CFDP1: variants seen among roughly 807,000 people sequenced by gnomAD.
CFDP1 encodes the protein chromatin remodeling protein CFDP1, also known as heterochromatin-stabilizing protein CFDP1.
In CFDP1, 31 loss-of-function variants were observed where a neutral mutation model predicts 40.1. That is an observed-to-expected ratio of 0.77 (90% CI 0.58 to 1.04). The LOEUF (loss-of-function observed/expected upper bound fraction) is 1.04. Ranked by LOEUF, CFDP1 falls within the 50% of genes least tolerant of loss-of-function variation. The probability of loss-of-function intolerance (pLI) is 0.00; values close to 1 mark genes in which losing one functional copy is unlikely to be tolerated. For synonymous variants in CFDP1, 167 were observed against 120.0 expected, an observed-to-expected ratio of 1.39 and a Z score of -2.56; for missense variants, 423 against 343.4, an observed-to-expected ratio of 1.23 and a Z score of -1.83.
At chr16:75,314,782 C>T (rs571438017) in intron 5 of CFDP1, among the ~76,000 whole-genome samples, 15 of 152,242 alleles carry the variant, frequency 9.9e-5, no homozygotes, top group African/African-American at 3.4e-4. Flanking sequence ...GACCAAGTCT[C>T]GCTCTGTCAC....
intron 5 of CFDP1, among the ~76,000 whole-genome samples, chr16:75,337,346 C>G (rs1032984812): frequency 2.0e-5 from 3 of 152,182 alleles, no homozygotes; most frequent in African/African-American, 7.2e-5. Flanking sequence ...ATGGTGGAGT[C>G]GCTGCTTCCA....
intron 1 of CFDP1, among the ~76,000 whole-genome samples, chr16:75,431,911 C>CT (rs71380741): frequency 0.5 from 66,958 of 134,352 alleles, 18,003 homozygotes; most frequent in Admixed American, 0.61. Context: ...GACTGGCTAA[C>CT]TTTTTTTTTT....
chr16:75,364,138 A>T (rs2078698231), intron 5 of CFDP1, among the ~76,000 whole-genome samples: 1 of 107,006 alleles, frequency 9.3e-6, no homozygotes, highest in Admixed American at 1.2e-4. Flanking sequence ...AACAAAACAA[A>T]ACAAACAAAC....
At chr16:75,342,336 A>C (rs1355473738) in intron 5 of CFDP1, among the ~76,000 whole-genome samples, 1 of 152,218 alleles carries the variant, frequency 6.6e-6, no homozygotes, top group East Asian at 1.9e-4. Context: ...CTGCACTAGT[A>C]TCCTTCCTCA....
intron 5 of CFDP1, among the ~76,000 whole-genome samples, chr16:75,390,394 G>C (rs2078937409): frequency 6.6e-6 from 1 of 152,240 alleles, no homozygotes; most frequent in Admixed American, 6.5e-5. Context: ...AGTCAGTGTA[G>C]AGAGAATCCC....
chr16:75,350,252 T>A (rs1238449528), intron 5 of CFDP1, among the ~76,000 whole-genome samples: 1 of 152,218 alleles, frequency 6.6e-6, no homozygotes, highest in Non-Finnish European at 1.5e-5. Context: ...TTTGTGGGTA[T>A]ATGCACAGAA....
At chr16:75,393,737 C>CAAAAAAAAAAAAAAAA (rs61344775) in intron 5 of CFDP1, among the ~76,000 whole-genome samples, 1 of 80,620 alleles carries the variant, frequency 1.2e-5, no homozygotes, top group African/African-American at 5.8e-5. Flanking sequence ...GACTCCGTCG[C>CAAAAAAAAAAAAAAAA]AAAAAAAAAA....
chr16:75,411,761 C>T (rs777274754), intron 4 of CFDP1, 64 bp downstream of exon 4: 3 of 1,464,050 alleles, frequency 2.0e-6, no homozygotes, highest in Non-Finnish European at 1.9e-6. Context: ...ATGGCTAACA[C>T]CAGTTAGAGA....
intron 4 of CFDP1, among the ~76,000 whole-genome samples, chr16:75,402,977 AATGT>A (rs1191434065): frequency 2.0e-5 from 3 of 152,132 alleles, no homozygotes; most frequent in African/African-American, 2.4e-5. Context: ...TGAAATATAA[AATGT>A]ATGTGACAGT....
intron 5 of CFDP1, among the ~76,000 whole-genome samples, chr16:75,331,130 T>G (rs896249017): frequency 1.3e-5 from 2 of 152,108 alleles, no homozygotes; most frequent in South Asian, 2.1e-4. Flanking sequence ...GCAGTTTGTG[T>G]CCCTCTCTCC....
chr16:75,339,084 C>T (rs373271141), intron 5 of CFDP1, among the ~76,000 whole-genome samples: 290 of 151,938 alleles, frequency 1.9e-3, no homozygotes, highest in African/African-American at 6.5e-3. Flanking sequence ...TTATTTGCTC[C>T]CTCCTCCACT....
At chr16:75,361,913 G>T (rs1178245308) in intron 5 of CFDP1, among the ~76,000 whole-genome samples, 2 of 152,000 alleles carry the variant, frequency 1.3e-5, no homozygotes, top group South Asian at 2.1e-4. Context: ...CTCCTATTCT[G>T]CTACGGCATG....
chr16:75,385,886 A>T (rs1304454418), intron 5 of CFDP1, among the ~76,000 whole-genome samples: 1 of 152,178 alleles, frequency 6.6e-6, no homozygotes, highest in Non-Finnish European at 1.5e-5. Flanking sequence ...ATATTATCAT[A>T]CTAAGTAAAC....
chr16:75,342,954 G>A (rs374919755), intron 5 of CFDP1, among the ~76,000 whole-genome samples: 3 of 152,264 alleles, frequency 2.0e-5, no homozygotes, highest in African/African-American at 7.2e-5. Context: ...TGAGGAGTCT[G>A]CCCTAGGTGA....
chr16:75,426,900 C>A (rs1347006758), intron 1 of CFDP1, among the ~76,000 whole-genome samples: 1 of 151,692 alleles, frequency 6.6e-6, no homozygotes, highest in Admixed American at 6.6e-5. Context: ...ACTGAAAATA[C>A]AAAAATTAGC....
At chr16:75,394,979 C>A (rs2078983964) in intron 5 of CFDP1, 111 bp downstream of exon 5, 1 of 1,323,712 alleles carries the variant, frequency 7.6e-7, no homozygotes, top group Non-Finnish European at 1.0e-6. Context: ...AAAGCAGCAT[C>A]ATAATTCTCT....
chr16:75,394,994 C>G, intron 5 of CFDP1, 96 bp downstream of exon 5: 1 of 1,433,896 alleles, frequency 7.0e-7, no homozygotes, highest in Non-Finnish European at 9.6e-7. Flanking sequence ...TTCTCTCTCT[C>G]AGGCAAGGAG....
intron 4 of CFDP1, 108 bp downstream of exon 4, chr16:75,411,716 TC>T (rs2079164195): frequency 1.7e-6 from 2 of 1,148,286 alleles, no homozygotes; most frequent in East Asian, 2.4e-5. Context: ...AGTATAACTC[TC>T]CCAAAATATT....
At chr16:75,419,859 C>T (rs1169995161) in intron 1 of CFDP1, among the ~76,000 whole-genome samples, 1 of 152,124 alleles carries the variant, frequency 6.6e-6, no homozygotes, top group Non-Finnish European at 1.5e-5. Context: ...TAAAAATGGG[C>T]AACCAGCAGC....
Sources: gnomAD v4.1 joint callset for allele counts (sites outside exome capture counted in the v4.1 genomes callset) on GRCh38, gnomAD v4.1.1 for gene constraint, MANE v1.5 for transcripts, NCBI Gene and HGNC (gene_info 2026-07-23, HGNC 2026-07-21) for gene names.